The following LRMDA variants were observed in gnomAD, a reference collection of about 807,000 sequenced individuals.
The protein encoded by LRMDA is leucine rich melanocyte differentiation associated, also known as leucine-rich melanocyte differentiation-associated protein.
LRMDA carries 18 observed loss-of-function variants against 29.8 expected under a neutral mutation model. The ratio of observed to expected loss-of-function variants is 0.60; its 90% CI spans 0.42 to 0.90. The LOEUF is 0.90. Among genes scored for constraint, LRMDA ranks in the 40% least tolerant of loss-of-function variants. The probability of loss-of-function intolerance (pLI) is 0.00; values close to 1 mark genes in which losing one functional copy is unlikely to be tolerated. For synonymous variants in LRMDA, 125 were observed against 109.4 expected (o/e 1.14, Z -0.89); for missense variants, 273 against 273.9 (o/e 1.00, Z 0.02).
intron 5 of LRMDA, among the ~76,000 whole-genome samples, chr10:76,063,852 G>T (rs978477585): frequency 6.6e-6 from 1 of 152,064 alleles, no homozygotes; most frequent in Non-Finnish European, 1.5e-5. Context: ...CATGCAAAAG[G>T]CCATCTAGGA....
chr10:76,085,609 C>T (rs1439350440), intron 5 of LRMDA, among the ~76,000 whole-genome samples: 1 of 152,154 alleles, frequency 6.6e-6, no homozygotes, highest in African/African-American at 2.4e-5. Context: ...TTCTCTAAGC[C>T]TTACCCTGAC....
chr10:76,475,818 G>C (rs536066679), intron 6 of LRMDA, among the ~76,000 whole-genome samples: 1 of 152,160 alleles, frequency 6.6e-6, no homozygotes, highest in South Asian at 2.1e-4. Flanking sequence ...ATAACGAAAT[G>C]AAGGCAGAAA....
intron 6 of LRMDA, among the ~76,000 whole-genome samples, chr10:76,438,106 G>A (rs899191736): frequency 2.6e-5 from 4 of 152,174 alleles, no homozygotes; most frequent in Non-Finnish European, 4.4e-5. Context: ...GTGTGGTGAT[G>A]CAGGAAGCCT....
intron 5 of LRMDA, among the ~76,000 whole-genome samples, chr10:76,268,704 C>G (rs1205547545): frequency 1.3e-5 from 2 of 152,168 alleles, no homozygotes; most frequent in African/African-American, 4.8e-5. Flanking sequence ...ATTCTGCTTA[C>G]GGGGATGTAG....
intron 2 of LRMDA, among the ~76,000 whole-genome samples, chr10:75,669,282 C>A (rs1395040357): frequency 6.6e-6 from 1 of 152,180 alleles, no homozygotes; most frequent in African/African-American, 2.4e-5. Context: ...AGTATTTTCT[C>A]AAAGGATAGA....
Position 75,817,193 on chromosome 10 carries a change from C to T in LRMDA, c.132-218815C>T, listed in dbSNP as rs144525964. ...AGGCAGTGCCTCTGTCTTTTAGATT[C>T]TCCTGCTGCGGAGGGGCATGTGAGG... is the stretch of plus-strand genomic sequence containing the variant. On this transcript the variant is annotated intron_variant, in intron 2 of 6. Transcript: ENST00000611255. Among the ~76,000 whole-genome samples the T allele has an allele frequency of 3.3e-4, 51 of 152,332 alleles. No individual in the cohort carries two copies. In the East Asian group the frequency reaches 5.2e-3, roughly 16 times the overall value.
At chr10:75,965,978 A>G (rs1212406175) in intron 2 of LRMDA, among the ~76,000 whole-genome samples, 10 of 152,240 alleles carry the variant, frequency 6.6e-5, no homozygotes, top group Non-Finnish European at 1.5e-4. Flanking sequence ...ATTGCTTCAT[A>G]CCACCTGTAC....
intron 5 of LRMDA, among the ~76,000 whole-genome samples, chr10:76,095,649 A>G (rs1442138015): frequency 6.6e-6 from 1 of 152,242 alleles, no homozygotes; most frequent in Non-Finnish European, 1.5e-5. Context: ...CACTTGCTAT[A>G]TATAACTTGA....
At chr10:76,115,683 T>C (rs1849656795) in intron 5 of LRMDA, among the ~76,000 whole-genome samples, 1 of 152,094 alleles carries the variant, frequency 6.6e-6, no homozygotes, top group East Asian at 1.9e-4. Context: ...GTGACAGAGA[T>C]GGTAACAGTA....
intron 5 of LRMDA, among the ~76,000 whole-genome samples, chr10:76,103,321 T>G (rs989468288): frequency 3.9e-5 from 6 of 152,198 alleles, no homozygotes; most frequent in Non-Finnish European, 8.8e-5. Flanking sequence ...ATAAGAGCCC[T>G]CTTGAAAAGT....
chr10:75,884,601 G>T (rs1022495875), intron 2 of LRMDA, among the ~76,000 whole-genome samples: 19 of 152,172 alleles, frequency 1.2e-4, no homozygotes, highest in Non-Finnish European at 2.9e-5. Context: ...TAGACCTAGG[G>T]ACAGGAGAAT....
chr10:75,562,472 TGA>T (rs1840311445), intron 2 of LRMDA, among the ~76,000 whole-genome samples: 1 of 152,148 alleles, frequency 6.6e-6, no homozygotes, highest in Admixed American at 6.5e-5. Context: ...TGATGGGTCT[TGA>T]CTCTATCCAA....
At chr10:75,853,211 T>A (rs1844762657) in intron 2 of LRMDA, among the ~76,000 whole-genome samples, 1 of 151,652 alleles carries the variant, frequency 6.6e-6, no homozygotes, top group Non-Finnish European at 1.5e-5. Flanking sequence ...GAAGATAGGG[T>A]TTTTAAGGAA....
intron 2 of LRMDA, among the ~76,000 whole-genome samples, chr10:75,616,243 C>T (rs1253659794): frequency 1.3e-5 from 2 of 150,266 alleles, no homozygotes; most frequent in Admixed American, 6.6e-5. Context: ...GTAGCAGTAG[C>T]AGCAGTAGCA....
In LRMDA at chr10:76,557,580, T is replaced by C. The variant is rs1843574492; in HGVS notation, c.*292T>C. Reference sequence around the variant, plus strand: ...AACAGGGCTGACAGCATGAACACCATGATAGATTGCCTGGTCCTGCCACTG... The same window carrying C: ...AACAGGGCTGACAGCATGAACACCACGATAGATTGCCTGGTCCTGCCACTG... On this transcript the variant is annotated 3_prime_UTR_variant, in exon 7 of 7. Coordinates refer to ENST00000611255, the MANE Select transcript of LRMDA (RefSeq NM_001305581.2). The C allele has an allele frequency of 2.2e-6, 1 of 450,810 alleles. No homozygotes were observed. The highest frequency in any genetic ancestry group is 4.0e-5 in the East Asian group (1 of 24,796). The allele number at this position is 450,810 out of a possible 1,614,324, so 27.9% of individuals were successfully genotyped here.
At chr10:75,585,421 T>G (rs1840644565) in intron 2 of LRMDA, among the ~76,000 whole-genome samples, 1 of 152,228 alleles carries the variant, frequency 6.6e-6, no homozygotes, top group Non-Finnish European at 1.5e-5. Context: ...TTGCAGTTTT[T>G]GGTTATTTTG....
At chr10:76,381,754 A>G (rs1841595247) in intron 6 of LRMDA, among the ~76,000 whole-genome samples, 1 of 151,700 alleles carries the variant, frequency 6.6e-6, no homozygotes, top group Non-Finnish European at 1.5e-5. Flanking sequence ...TCTAACCTAC[A>G]CTCCTGTGTA....
At chr10:76,012,679 A>G (rs1056949471) in intron 2 of LRMDA, among the ~76,000 whole-genome samples, 1 of 152,200 alleles carries the variant, frequency 6.6e-6, no homozygotes, top group African/African-American at 2.4e-5. Context: ...ATGCACACAT[A>G]TGCATGTATG....
At chr10:76,143,090 G>A (rs952536649) in intron 5 of LRMDA, among the ~76,000 whole-genome samples, 16 of 151,906 alleles carry the variant, frequency 1.1e-4, no homozygotes, top group Admixed American at 1.0e-3. Context: ...CCAGTCTATC[G>A]TTATTGGACA....
Sources: gnomAD v4.1 joint callset for allele counts (sites outside exome capture counted in the v4.1 genomes callset) on GRCh38, gnomAD v4.1.1 for gene constraint, MANE v1.5 for transcripts, NCBI Gene and HGNC (gene_info 2026-07-23, HGNC 2026-07-21) for gene names.